The following DGKD variants were observed in gnomAD, a reference collection of about 807,000 sequenced individuals.
The protein encoded by DGKD is diacylglycerol kinase delta.
Under a neutral mutation model 154.4 loss-of-function variants are expected in DGKD, and 68 were observed. That is an observed-to-expected ratio of 0.44 (90% CI 0.36 to 0.54). The LOEUF is 0.54. DGKD is among the 20% of genes least tolerant of loss of function. The pLI is 0.00. For synonymous variants in DGKD, 693 were observed against 638.0 expected (o/e 1.09, Z -1.30); for missense variants, 1,343 against 1,593.6 (o/e 0.84, Z 2.68).
At position 233,452,089 on chromosome 2, in the gene DGKD, A is replaced by T. The variant is rs2063313451; in HGVS notation, c.2264+29A>T. 1 of 1,577,000 alleles carries T rather than the reference A, an allele frequency of 6.3e-7. No homozygotes were observed. The highest frequency in any genetic ancestry group is 8.7e-7 in the Non-Finnish European group (1 of 1,146,534). The stretch of plus-strand genomic sequence containing the variant: ...AGTATGAGGGATAAACCGAGTGGGC[A>T]TATTGTTACATGGCTGCTAGTGCAT... On this transcript the variant is annotated intron_variant, in intron 18 of 29. Transcript: ENST00000264057. The surrounding 1 kb of genome is among the most constrained non-coding windows in gnomAD (Gnocchi z 4.0).
chr2:233,455,921 A>G (rs890042690), intron 19 of DGKD, among the ~76,000 whole-genome samples: 5 of 152,250 alleles, frequency 3.3e-5, no homozygotes, highest in Non-Finnish European at 7.3e-5. Context: ...ATATCCCTGT[A>G]CAGCACAGGA....
chr2:233,447,394 G>C, intron 12 of DGKD: 5 of 805,204 alleles, frequency 6.2e-6, no homozygotes, highest in Non-Finnish European at 7.5e-6. Flanking sequence ...GTAGTACAAA[G>C]AGGTGAGCTT....
intron 1 of DGKD, among the ~76,000 whole-genome samples, chr2:233,386,948 G>C (rs1703218710): frequency 6.6e-6 from 1 of 152,208 alleles, no homozygotes; most frequent in South Asian, 2.1e-4. Flanking sequence ...CCCCTAGGCA[G>C]TTTGCATTGG....
At chr2:233,413,711 G>A (rs2061887891) in intron 3 of DGKD, among the ~76,000 whole-genome samples, 1 of 152,216 alleles carries the variant, frequency 6.6e-6, no homozygotes, top group African/African-American at 2.4e-5. Context: ...ACTGTGCTGT[G>A]ACGGGAGCTG....
At chr2:233,433,383 A>T (rs1459734245) in intron 3 of DGKD, among the ~76,000 whole-genome samples, 1 of 152,100 alleles carries the variant, frequency 6.6e-6, no homozygotes, top group Admixed American at 6.5e-5. Context: ...GAGCTAATAA[A>T]AAAAAAAAGA....
In DGKD at chr2:233,449,508, C is replaced by T. The variant is rs879105800; in HGVS notation, c.1888+132C>T. The T allele has an allele frequency of 4.7e-6, 6 of 1,287,252 alleles. No homozygotes were observed. The highest frequency in any genetic ancestry group is 6.3e-6 in the Non-Finnish European group (6 of 959,606). The allele number at this position is 1,287,252 out of a possible 1,614,324, so 79.7% of individuals were successfully genotyped here. A position where few individuals can be genotyped will look rare whatever the true frequency, so the allele number is the denominator to read the frequency against. ...CACTGCGGCCCTCTCCACCCATGTC[C>T]AGGCACCAGACCCCCAACGAGTTCG... On this transcript the variant is annotated intron_variant, in intron 15 of 29. Coordinates refer to ENST00000264057, the MANE Select transcript of DGKD (RefSeq NM_152879.3). The surrounding 1 kb of genome is among the most constrained non-coding windows in gnomAD (Gnocchi z 5.3).
At chr2:233,446,908 G>T in intron 12 of DGKD, 112 bp downstream of exon 12, 2 of 1,285,754 alleles carry the variant, frequency 1.6e-6, no homozygotes, top group South Asian at 1.4e-5. Flanking sequence ...TGGTGTTGGG[G>T]TGTCACAGTC....
chr2:233,442,264 A>T (rs190344206), intron 10 of DGKD: 24 of 592,296 alleles, frequency 4.1e-5, no homozygotes, highest in Non-Finnish European at 7.4e-5. Flanking sequence ...CAAAGGACCC[A>T]CATGGGGAGC....
intron 1 of DGKD, among the ~76,000 whole-genome samples, chr2:233,357,256 C>T (rs760323078): frequency 1.4e-4 from 21 of 152,200 alleles, no homozygotes; most frequent in Non-Finnish European, 2.9e-4. Context: ...GTCACCTCCT[C>T]CACAACTTGG....
At position 233,390,307 on chromosome 2, in the gene DGKD, G is replaced by C. The variant is rs895799575; in HGVS notation, c.268-96G>C. ...GGTACTGGGGCTTCTGTGGGTGCTTGTTAGGGATCATTGGGGTGTGGTGGG... is the reference window on the plus strand; with the variant it reads ...GGTACTGGGGCTTCTGTGGGTGCTTCTTAGGGATCATTGGGGTGTGGTGGG... On this transcript the variant is annotated intron_variant, in intron 2 of 29. Transcript: ENST00000264057. The C allele has an allele frequency of 4.8e-6, 4 of 827,138 alleles. No individual in the cohort carries two copies. The African/African-American group carries it at 6.9e-5, about 14-fold the overall frequency. The allele number at this position is 827,138 out of a possible 1,614,324, so 51.2% of individuals were successfully genotyped here.
chr2:233,386,921 G>A (rs1008796156), intron 1 of DGKD, among the ~76,000 whole-genome samples: 2 of 152,200 alleles, frequency 1.3e-5, no homozygotes, highest in African/African-American at 2.4e-5. Context: ...GGCTGGTTGC[G>A]GGATAAGGAG....
intron 5 of DGKD, 143 bp downstream of exon 5, chr2:233,435,044 C>A: frequency 8.5e-7 from 1 of 1,176,906 alleles, no homozygotes; most frequent in Non-Finnish European, 1.2e-6. Flanking sequence ...TTCTGTGATG[C>A]CATTCTTGTT....
intron 18 of DGKD, chr2:233,454,353 G>C: frequency 2.1e-6 from 1 of 470,092 alleles, no homozygotes; most frequent in Non-Finnish European, 4.4e-6. Context: ...TCGTCCTGAG[G>C]AAGAGAAAGG....
At position 233,445,392 on chromosome 2, in the gene DGKD, A is replaced by G. The variant is rs1009481689; in HGVS notation, c.1195-231A>G. The stretch of plus-strand genomic sequence containing the variant: ...GACCTGTGGCTCATCCATTTCTCCC[A>G]GAAGCAGCATCTTATCTCAAGGGCA... On this transcript the variant is annotated intron_variant, in intron 10 of 29. Coordinates refer to ENST00000264057, the MANE Select transcript of DGKD (RefSeq NM_152879.3). The surrounding 1 kb of genome is among the most constrained non-coding windows in gnomAD (Gnocchi z 5.5). Among the ~76,000 whole-genome samples, 2 of 152,130 alleles carry G rather than the reference A, an allele frequency of 1.3e-5. No homozygotes were observed. Among genetic ancestry groups the G allele is most frequent in the Admixed American group, 1.3e-4 (2 of 15,278 alleles).
intron 1 of DGKD, among the ~76,000 whole-genome samples, chr2:233,375,239 C>T (rs1187600139): frequency 2.0e-5 from 3 of 151,814 alleles, no homozygotes; most frequent in East Asian, 3.9e-4. Context: ...TGCAGTGAGC[C>T]GAGATCGTGC....
At position 233,441,831 on chromosome 2, in the gene DGKD, T is replaced by C. The variant is rs546642523; in HGVS notation, c.1086-56T>C. 7 of 1,540,018 alleles carry C rather than the reference T, an allele frequency of 4.5e-6. No homozygotes were observed. The East Asian group carries it at 1.6e-4, about 35-fold the overall frequency. On this transcript the variant is annotated intron_variant, in intron 9 of 29. Coordinates refer to ENST00000264057, the MANE Select transcript of DGKD (RefSeq NM_152879.3). The surrounding 1 kb of genome is among the most constrained non-coding windows in gnomAD (Gnocchi z 5.6). The stretch of plus-strand genomic sequence containing the variant: ...CCCCTCAGCCCCGTACTGACAAGCC[T>C]GTCATTTGTCCTGTGGAATGGATGT...
chr2:233,434,609 A>T (rs2062629964), intron 4 of DGKD, 125 bp downstream of exon 4: 1 of 1,430,234 alleles, frequency 7.0e-7, no homozygotes, highest in African/African-American at 1.4e-5. Flanking sequence ...CATGTTCTTT[A>T]TACAATTAAA....
chr2:233,436,561 C>T lies in DGKD; in HGVS notation c.819+120C>T, dbSNP rs573406975. 66 of 1,389,128 alleles carry T rather than the reference C, an allele frequency of 4.8e-5. No individual in the cohort carries two copies. The South Asian group carries it at 5.5e-4, about 12-fold the overall frequency. 86.1% of individuals were successfully genotyped at this position (1,389,128 alleles called of 1,614,324 possible). ...GGTAAATTAATCCCAGAGGCCCCTCCGGCTGAGAGTGGGTTTTTGAACTGT... is the reference window on the plus strand; with the variant it reads ...GGTAAATTAATCCCAGAGGCCCCTCTGGCTGAGAGTGGGTTTTTGAACTGT... On this transcript the variant is annotated intron_variant, in intron 7 of 29. Coordinates refer to ENST00000264057, the MANE Select transcript of DGKD (RefSeq NM_152879.3).
chr2:233,464,505 G>A (rs913139008), intron 27 of DGKD, among the ~76,000 whole-genome samples: 6 of 152,222 alleles, frequency 3.9e-5, no homozygotes, highest in Non-Finnish European at 8.8e-5. Flanking sequence ...TGCCCCTTGA[G>A]GACCAGGGAC....
Sources: gnomAD v4.1 joint callset for allele counts (sites outside exome capture counted in the v4.1 genomes callset) on GRCh38, gnomAD v4.1.1 for gene constraint, Gnocchi (gnomAD v3.1) non-coding constraint, MANE v1.5 for transcripts, NCBI Gene and HGNC (gene_info 2026-07-23, HGNC 2026-07-21) for gene names.